The following TSHZ3 variants were observed in gnomAD, a reference collection of about 807,000 sequenced individuals.
TSHZ3 encodes the protein teashirt zinc finger homeobox 3.
Under a neutral mutation model 64.5 loss-of-function variants are expected in TSHZ3, and 10 were observed. The observed-to-expected ratio is 0.16, with a 90% confidence interval of 0.10 to 0.26. TSHZ3 has a LOEUF of 0.26. Among genes scored for constraint, TSHZ3 ranks in the 10% least tolerant of loss-of-function variants. TSHZ3 has a pLI of 1.00. For missense variants in TSHZ3, 1,242 were observed against 1,421.7 expected, an observed-to-expected ratio of 0.87 and a Z score of 2.03; for synonymous variants, 608 against 593.1, an observed-to-expected ratio of 1.03 and a Z score of -0.36.
At chr19:31,196,226 C>T (rs771263328) in intron 5 of TSHZ3, among the ~76,000 whole-genome samples, 1 of 151,820 alleles carries the variant, frequency 6.6e-6, no homozygotes, top group Admixed American at 6.6e-5. Flanking sequence ...AGTTACACTA[C>T]AGTTATTATA....
At chr19:31,180,345 G>A (rs1430147414) in intron 5 of TSHZ3, among the ~76,000 whole-genome samples, 3 of 152,140 alleles carry the variant, frequency 2.0e-5, no homozygotes, top group Non-Finnish European at 2.9e-5. Flanking sequence ...GCCCACCATA[G>A]GCACTTAGCA....
At chr19:31,213,879 A>T (rs1302605739) in intron 4 of TSHZ3, among the ~76,000 whole-genome samples, 1 of 152,202 alleles carries the variant, frequency 6.6e-6, no homozygotes, top group African/African-American at 2.4e-5. Context: ...CTGCCCCTGG[A>T]GTTTAGACAA....
intron 1 of TSHZ3, among the ~76,000 whole-genome samples, chr19:31,341,811 TAC>T (rs1040202234): frequency 9.2e-5 from 14 of 152,212 alleles, no homozygotes; most frequent in African/African-American, 3.1e-4. Flanking sequence ...CTGAAGTGTT[TAC>T]CTCTCTGGTC....
intron 1 of TSHZ3, among the ~76,000 whole-genome samples, chr19:31,337,031 T>TTTAA: frequency 7.1e-6 from 1 of 140,872 alleles, no homozygotes. Flanking sequence ...TTTTTTTTTT[T>TTTAA]ACAGGCAACC....
intron 1 of TSHZ3, among the ~76,000 whole-genome samples, chr19:31,290,688 A>G (rs966304596): frequency 2.0e-5 from 3 of 152,068 alleles, no homozygotes; most frequent in African/African-American, 7.2e-5. Context: ...CTTGGATGGT[A>G]CCAGGGAGAC....
chr19:31,349,123 CG>C, intron 1 of TSHZ3, 56 bp downstream of exon 1: 2 of 1,516,382 alleles, frequency 1.3e-6, no homozygotes. Context: ...GCTGGAGGCG[CG>C]GGGCGAGCGG....
intron 1 of TSHZ3, among the ~76,000 whole-genome samples, chr19:31,283,329 T>C (rs1976399349): frequency 6.6e-6 from 1 of 151,894 alleles, no homozygotes; most frequent in African/African-American, 2.4e-5. Context: ...CAAAATCCTA[T>C]CTCCAAAAAT....
chr19:31,159,428 G>T (rs10421185), intron 5 of TSHZ3, among the ~76,000 whole-genome samples: 2 of 152,172 alleles, frequency 1.3e-5, no homozygotes, highest in African/African-American at 4.8e-5. Flanking sequence ...ATGAAACAAA[G>T]ATTTTTGAAC....
intron 1 of TSHZ3, among the ~76,000 whole-genome samples, chr19:31,343,083 C>T (rs959789073): frequency 1.3e-5 from 2 of 152,174 alleles, no homozygotes; most frequent in African/African-American, 4.8e-5. Flanking sequence ...AGCGAGGTGA[C>T]CAGGAATGCG....
At chr19:31,331,108 A>C (rs1917077807) in intron 1 of TSHZ3, among the ~76,000 whole-genome samples, 1 of 152,112 alleles carries the variant, frequency 6.6e-6, no homozygotes, top group African/African-American at 2.4e-5. Flanking sequence ...GGACTGAAGG[A>C]GGGAAACGGC....
At chr19:31,154,025 G>C (rs1047997046) in intron 6 of TSHZ3, among the ~76,000 whole-genome samples, 2 of 152,206 alleles carry the variant, frequency 1.3e-5, no homozygotes, top group African/African-American at 4.8e-5. Flanking sequence ...AGAGGAAAGT[G>C]ATGGTATCCC....
intron 1 of TSHZ3, among the ~76,000 whole-genome samples, chr19:31,325,568 G>A (rs1035762064): frequency 9.9e-5 from 15 of 152,254 alleles, no homozygotes; most frequent in South Asian, 2.1e-4. Flanking sequence ...GCACTCCCAC[G>A]CAGCTGTGGG....
chr19:31,207,300 A>G (rs1056275596), intron 4 of TSHZ3, among the ~76,000 whole-genome samples: 1 of 152,180 alleles, frequency 6.6e-6, no homozygotes, highest in African/African-American at 2.4e-5. Flanking sequence ...TTCCAAATCC[A>G]TTTCCAATTG....
chr19:31,186,728 C>A (rs1974815380), intron 5 of TSHZ3, among the ~76,000 whole-genome samples: 1 of 152,154 alleles, frequency 6.6e-6, no homozygotes, highest in Non-Finnish European at 1.5e-5. Flanking sequence ...CAACATTTAG[C>A]ATTGATAGTC....
chr19:31,263,131 G>A (rs1021163081), intron 1 of TSHZ3, among the ~76,000 whole-genome samples: 10 of 152,096 alleles, frequency 6.6e-5, no homozygotes, highest in African/African-American at 2.4e-4. Flanking sequence ...GCCCTGCCGG[G>A]GTCTGAAGAT....
chr19:31,171,098 G>C (rs1974528792), intron 5 of TSHZ3, among the ~76,000 whole-genome samples: 1 of 152,152 alleles, frequency 6.6e-6, no homozygotes, highest in Non-Finnish European at 1.5e-5. Flanking sequence ...AATGGTCTCA[G>C]TAAAGAAAAA....
chr19:31,237,892 G>A (rs1975640158), intron 3 of TSHZ3, among the ~76,000 whole-genome samples: 1 of 152,026 alleles, frequency 6.6e-6, no homozygotes, highest in South Asian at 2.1e-4. Context: ...ATTCCAAAAT[G>A]TTTAGAGATT....
intron 5 of TSHZ3, among the ~76,000 whole-genome samples, chr19:31,183,395 C>T (rs1974754542): frequency 6.6e-6 from 1 of 152,162 alleles, no homozygotes; most frequent in South Asian, 2.1e-4. Flanking sequence ...AGATATGTTG[C>T]ATGAAAAATG....
chr19:31,188,898 A>T (rs1974857357), intron 5 of TSHZ3, among the ~76,000 whole-genome samples: 3 of 151,966 alleles, frequency 2.0e-5, no homozygotes, highest in Admixed American at 2.0e-4. Flanking sequence ...TTCAAAAGTG[A>T]TCTAATATAT....
Sources: gnomAD v4.1 joint callset for allele counts (sites outside exome capture counted in the v4.1 genomes callset) on GRCh38, gnomAD v4.1.1 for gene constraint, MANE v1.5 for transcripts, NCBI Gene and HGNC (gene_info 2026-07-23, HGNC 2026-07-21) for gene names.